LHPP: variants seen among roughly 807,000 people sequenced by gnomAD.
LHPP encodes the protein hLHPP.
In LHPP, 24 loss-of-function variants were observed where a neutral mutation model predicts 30.3. That is an observed-to-expected ratio of 0.79 (90% confidence interval 0.57 to 1.11). LHPP has a LOEUF of 1.11. Among genes scored for constraint, LHPP ranks in the 50% most tolerant of loss-of-function variants. The pLI is 0.00. For synonymous variants in LHPP, 150 were observed against 157.1 expected (o/e 0.95, Z 0.34); for missense variants, 356 against 367.2 (o/e 0.97, Z 0.25).
chr10:124,489,599 C>T (rs1260477170), intron 3 of LHPP, among the ~76,000 whole-genome samples: 5 of 152,074 alleles, frequency 3.3e-5, no homozygotes, highest in Admixed American at 6.6e-5. Flanking sequence ...GGACTACAGG[C>T]GCCCGCCACC....
At chr10:124,595,021 T>C (rs1198459823) in intron 6 of LHPP, among the ~76,000 whole-genome samples, 2 of 152,202 alleles carry the variant, frequency 1.3e-5, no homozygotes, top group African/African-American at 2.4e-5. Flanking sequence ...CCTTTAAACA[T>C]TACCCAGTCT....
At chr10:124,572,133 T>C (rs1037105440) in intron 6 of LHPP, among the ~76,000 whole-genome samples, 12 of 152,218 alleles carry the variant, frequency 7.9e-5, no homozygotes, top group Admixed American at 3.3e-4. Flanking sequence ...GCTTCTCTTC[T>C]GCCAGGCTGG....
At chr10:124,608,669 T>C (rs1169228014) in intron 6 of LHPP, among the ~76,000 whole-genome samples, 2 of 151,428 alleles carry the variant, frequency 1.3e-5, no homozygotes, top group African/African-American at 2.4e-5. Flanking sequence ...CGTTCTGGTT[T>C]TGTCTCTGTC....
chr10:124,509,118 C>G (rs1370632318), intron 5 of LHPP, among the ~76,000 whole-genome samples: 1 of 152,136 alleles, frequency 6.6e-6, no homozygotes, highest in Non-Finnish European at 1.5e-5. Flanking sequence ...AGTGCAAACA[C>G]ACAGTATTTG....
chr10:124,525,287 G>A (rs987732987), intron 6 of LHPP, among the ~76,000 whole-genome samples: 5 of 152,362 alleles, frequency 3.3e-5, no homozygotes, highest in Non-Finnish European at 5.9e-5. Flanking sequence ...TGCCAGGAAT[G>A]TTCTGGTTTT....
At chr10:124,522,574 G>C (rs1954635300) in intron 6 of LHPP, among the ~76,000 whole-genome samples, 1 of 152,224 alleles carries the variant, frequency 6.6e-6, no homozygotes, top group African/African-American at 2.4e-5. Context: ...GCCGCCCCCA[G>C]TCCCCTGGGC....
chr10:124,467,330 G>A (rs1430177868), intron 1 of LHPP, among the ~76,000 whole-genome samples: 2 of 147,598 alleles, frequency 1.4e-5, no homozygotes, highest in African/African-American at 2.5e-5. Context: ...GGGGGTCAGG[G>A]AGAACTTGAA....
In LHPP at chr10:124,523,445, C is replaced by T. The variant is rs1267689861; in HGVS notation, c.716+6174C>T. On this transcript the variant is annotated intron_variant, in intron 6 of 6. Transcript: ENST00000368842. This position sits in a 1 kb window ranked among gnomAD's most constrained non-coding sequence, Gnocchi z 4.2. ...CACGCCTGGCCTTTGACCTTGGAAG[C>T]GGCTGCCGTCAAAGCAGCAGCTTGT... Among the ~76,000 whole-genome samples the T allele has an allele frequency of 2.6e-5, 4 of 152,220 alleles. No homozygotes were observed. The highest frequency in any genetic ancestry group is 2.1e-4 in the South Asian group (1 of 4,830).
intron 6 of LHPP, among the ~76,000 whole-genome samples, chr10:124,519,072 C>T (rs533635470): frequency 1.3e-5 from 2 of 152,282 alleles, no homozygotes; most frequent in South Asian, 2.1e-4. Flanking sequence ...CTCAGCCTCC[C>T]GAGTAGCTGG....
chr10:124,598,852 C>T (rs1329246717), intron 6 of LHPP, among the ~76,000 whole-genome samples: 1 of 149,582 alleles, frequency 6.7e-6, no homozygotes, highest in African/African-American at 2.5e-5. Context: ...CATCTGTCCA[C>T]CTGTCCATCC....
chr10:124,613,352 G>A lies in LHPP; in HGVS notation c.805G>A (p.Asp269Asn), dbSNP rs373545055. 5.2e-5 allele frequency: 83 copies of A among 1,611,182 alleles called. No homozygotes were observed. Among genetic ancestry groups the A allele is most frequent in the African/African-American group, 9.4e-5 (7 of 74,816 alleles). ...EAVDLLLQHA[D>N]K is the part of the protein sequence containing the mutation. ...AGTGGACCTGCTGCTGCAGCACGCC[G>A]ACAAGTGATGGCCTCCTGGGAGAGC... The change falls in exon 7 of 7, where the codon GAC (aspartate) becomes AAC (asparagine). Residue 269 changes from aspartate to asparagine, a missense_variant. Coordinates refer to ENST00000368842, the MANE Select transcript of LHPP (RefSeq NM_022126.4).
At chr10:124,583,709 C>T (rs1948769753) in intron 6 of LHPP, among the ~76,000 whole-genome samples, 1 of 152,110 alleles carries the variant, frequency 6.6e-6, no homozygotes, top group Non-Finnish European at 1.5e-5. Flanking sequence ...AGAACTTACT[C>T]ACTATCGCAA....
At chr10:124,573,206 A>C (rs763003095) in intron 6 of LHPP, among the ~76,000 whole-genome samples, 2 of 152,258 alleles carry the variant, frequency 1.3e-5, no homozygotes, top group Non-Finnish European at 2.9e-5. Flanking sequence ...GGATGTTTTC[A>C]TCCACTCTTC....
chr10:124,483,851 G>A (rs1017717524), intron 1 of LHPP, among the ~76,000 whole-genome samples: 2 of 151,904 alleles, frequency 1.3e-5, no homozygotes, highest in South Asian at 2.1e-4. Context: ...GCAATGAAAA[G>A]GGGGGTCAGG....
chr10:124,495,191 T>G (rs1589791722), intron 3 of LHPP, among the ~76,000 whole-genome samples: 1 of 151,870 alleles, frequency 6.6e-6, no homozygotes, highest in Non-Finnish European at 1.5e-5. Context: ...CATTTTCAGG[T>G]CCCCCCTCTG....
intron 6 of LHPP, among the ~76,000 whole-genome samples, chr10:124,558,531 G>A (rs915357594): frequency 9.2e-5 from 14 of 152,180 alleles, no homozygotes; most frequent in Admixed American, 3.3e-4. Flanking sequence ...CCCTTGTGTC[G>A]CTGGTTCAGA....
At chr10:124,587,966 T>G (rs1157799942) in intron 6 of LHPP, among the ~76,000 whole-genome samples, 1 of 152,118 alleles carries the variant, frequency 6.6e-6, no homozygotes, top group South Asian at 2.1e-4. Context: ...GAGCTGGGGC[T>G]GAAGGCCGTG....
chr10:124,603,966 C>A (rs1254400213), intron 6 of LHPP, among the ~76,000 whole-genome samples: 1 of 152,234 alleles, frequency 6.6e-6, no homozygotes, highest in African/African-American at 2.4e-5. Flanking sequence ...GTGCTGGGCT[C>A]AGGTGCCATG....
chr10:124,484,759 C>T (rs1247318055), intron 2 of LHPP, among the ~76,000 whole-genome samples: 1 of 152,008 alleles, frequency 6.6e-6, no homozygotes, highest in African/African-American at 2.4e-5. Context: ...TAGCTTCTAA[C>T]GTCTGGCACC....
Sources: gnomAD v4.1 joint callset for allele counts (sites outside exome capture counted in the v4.1 genomes callset) on GRCh38, gnomAD v4.1.1 for gene constraint, Gnocchi (gnomAD v3.1) non-coding constraint, MANE v1.5 for transcripts, NCBI Gene and HGNC (gene_info 2026-07-23, HGNC 2026-07-21) for gene names.